The following SLC38A9 variants were observed in gnomAD, a reference collection of about 807,000 sequenced individuals.
The protein encoded by SLC38A9 is solute carrier family 38 member 9.
SLC38A9 carries 48 observed loss-of-function variants against 62.3 expected under a neutral mutation model. The observed-to-expected ratio is 0.77, with a 90% confidence interval of 0.61 to 0.98. The LOEUF is 0.98. Among genes scored for constraint, SLC38A9 ranks in the 50% least tolerant of loss-of-function variants. The pLI, the probability that SLC38A9 is intolerant of heterozygous loss-of-function variation, is 0.00. For synonymous variants in SLC38A9, 204 were observed against 227.7 expected (o/e 0.90, Z 0.94); for missense variants, 541 against 679.8 (o/e 0.80, Z 2.27).
intron 9 of SLC38A9, 76 bp from the exon 10 acceptor site, chr5:55,652,799 G>A (rs762598600): frequency 2.4e-6 from 3 of 1,248,910 alleles, no homozygotes; most frequent in Non-Finnish European, 3.3e-6. Flanking sequence ...GAAAATGACT[G>A]CCTCTAGAGA....
At chr5:55,651,439 AG>A (rs2150177134) in intron 10 of SLC38A9, among the ~76,000 whole-genome samples, 1 of 151,796 alleles carries the variant, frequency 6.6e-6, no homozygotes, top group South Asian at 2.1e-4. Context: ...TAGTAGAGAC[AG>A]GGTTTCACCA....
intron 3 of SLC38A9, chr5:55,692,582 A>C (rs1754897645): frequency 2.0e-6 from 2 of 977,120 alleles, no homozygotes; most frequent in African/African-American, 3.5e-5. Context: ...TTCTTAAAAC[A>C]TGCTTACCTA....
At chr5:55,652,357 C>CAAAAA (rs60557392) in intron 10 of SLC38A9, among the ~76,000 whole-genome samples, 172 bp downstream of exon 10, 24,774 of 55,480 alleles carry the variant, frequency 0.45, 5,134 homozygotes, top group Non-Finnish European at 0.55. Context: ...AACTCCGTCT[C>CAAAAA]AAAAAAAAAA....
intron 6 of SLC38A9, 39 bp downstream of exon 6, chr5:55,669,518 A>G (rs2150339182): frequency 1.3e-6 from 2 of 1,549,378 alleles, no homozygotes; most frequent in East Asian, 2.3e-5. Context: ...TAAAGAGAAA[A>G]ACATTTAGGC....
At chr5:55,703,183 T>A (rs991776283) in intron 2 of SLC38A9, among the ~76,000 whole-genome samples, 1 of 135,322 alleles carries the variant, frequency 7.4e-6, no homozygotes, top group African/African-American at 2.6e-5. Context: ...TAAGTCATGA[T>A]CCCTACCCTC....
intron 8 of SLC38A9, among the ~76,000 whole-genome samples, chr5:55,657,293 G>A (rs752605062): frequency 2.1e-4 from 32 of 152,114 alleles, no homozygotes; most frequent in East Asian, 1.2e-3. Flanking sequence ...AAATCTTTAC[G>A]TGTAAATTGA....
chr5:55,678,645 CTTTTTTTTTT>C (rs869297949), intron 3 of SLC38A9, among the ~76,000 whole-genome samples: 20 of 45,836 alleles, frequency 4.4e-4, no homozygotes, highest in African/African-American at 1.0e-3. Flanking sequence ...CTGAAATGAA[CTTTTTTTTTT>C]TTTTTTTTTT....
intron 2 of SLC38A9, among the ~76,000 whole-genome samples, chr5:55,700,858 A>T (rs1235163402): frequency 5.3e-5 from 8 of 152,052 alleles, no homozygotes; most frequent in Non-Finnish European, 1.0e-4. Context: ...TCCCTACGTC[A>T]CTGGTCCCTC....
chr5:55,692,851 C>T (rs866640181), intron 3 of SLC38A9: 1 of 981,636 alleles, frequency 1.0e-6, no homozygotes, highest in Non-Finnish European at 1.2e-6. Flanking sequence ...CTTATATTTA[C>T]TGACATTGGA....
At chr5:55,627,690 G>A (rs561791386) in intron 15 of SLC38A9, among the ~76,000 whole-genome samples, 1 of 152,202 alleles carries the variant, frequency 6.6e-6, no homozygotes, top group African/African-American at 2.4e-5. Context: ...GGAGCTTCTA[G>A]AGTGAGTTCT....
At chr5:55,682,639 C>T (rs1401043217) in intron 3 of SLC38A9, among the ~76,000 whole-genome samples, 1 of 152,106 alleles carries the variant, frequency 6.6e-6, no homozygotes, top group Non-Finnish European at 1.5e-5. Context: ...GCCAGGCATC[C>T]TGACATGCAC....
chr5:55,712,266 A>G lies in SLC38A9; in HGVS notation c.-132T>C, dbSNP rs1758165698. 1 of 152,660 alleles carries G rather than the reference A, an allele frequency of 6.6e-6. No individual in the cohort carries two copies. Among genetic ancestry groups the G allele is most frequent in the Non-Finnish European group, 1.5e-5 (1 of 68,082 alleles). The allele number at this position is 152,660 out of a possible 1,614,324, so 9.5% of individuals were successfully genotyped here. A position where few individuals can be genotyped will look rare whatever the true frequency, so the allele number is the denominator to read the frequency against. ...CGGAGAACTAGACGAGAAGATAAAG[A>G]TTCCCTTCCCAAATTCTCGCAATTT... On this transcript the variant is annotated 5_prime_UTR_variant, in exon 1 of 16. Coordinates refer to ENST00000396865, the MANE Select transcript of SLC38A9 (RefSeq NM_173514.4).
chr5:55,650,024 A>G (rs1489039945), intron 10 of SLC38A9, among the ~76,000 whole-genome samples: 1 of 152,184 alleles, frequency 6.6e-6, no homozygotes, highest in African/African-American at 2.4e-5. Context: ...GAAGTGTTAG[A>G]GTCAGTCTGT....
chr5:55,687,682 TA>T (rs1241790781), intron 3 of SLC38A9, among the ~76,000 whole-genome samples: 3 of 152,064 alleles, frequency 2.0e-5, no homozygotes, highest in Non-Finnish European at 4.4e-5. Context: ...CCTAGTATTT[TA>T]TTTTTTTATT....
At chr5:55,692,917 A>T in intron 3 of SLC38A9, 1 of 980,496 alleles carries the variant, frequency 1.0e-6, no homozygotes, top group Non-Finnish European at 1.2e-6. Context: ...TGGCCACTAT[A>T]AATGACAATG....
chr5:55,693,222 T>TA (rs1754987936), intron 3 of SLC38A9: 1 of 153,432 alleles, frequency 6.5e-6, no homozygotes, highest in South Asian at 2.1e-4. Flanking sequence ...GTTTCCTATT[T>TA]ACTACCCAAA....
intron 8 of SLC38A9, chr5:55,658,093 A>T (rs1247605943): frequency 2.0e-5 from 3 of 152,240 alleles, no homozygotes; most frequent in Admixed American, 2.0e-4. Context: ...CTTTGTAGAT[A>T]CAATCAAGTT....
rs7718282 is a variant in SLC38A9 at position 55,709,994 on chromosome 5, G to A, written c.-35+1458C>T. Among the ~76,000 whole-genome samples, 616 of 149,064 alleles carry A rather than the reference G, an allele frequency of 4.1e-3. 3 individuals are homozygous for A. Among genetic ancestry groups the A allele is most frequent in the African/African-American group, 0.014 (577 of 40,510 alleles). ...TAAGGCAGGGGAATCGCTTGAACCC[G>A]GGAGGCAGGGGTTGCAGTGAGCTGA... On this transcript the variant is annotated intron_variant, in intron 2 of 15. Coordinates refer to ENST00000396865, the MANE Select transcript of SLC38A9 (RefSeq NM_173514.4).
chr5:55,664,147 A>AG (rs1750074324), intron 8 of SLC38A9, among the ~76,000 whole-genome samples: 1 of 151,824 alleles, frequency 6.6e-6, no homozygotes, highest in African/African-American at 2.4e-5. Flanking sequence ...AAAGAAAAAA[A>AG]AATTCATTAA....
Sources: gnomAD v4.1 joint callset for allele counts (sites outside exome capture counted in the v4.1 genomes callset) on GRCh38, gnomAD v4.1.1 for gene constraint, MANE v1.5 for transcripts, NCBI Gene and HGNC (gene_info 2026-07-23, HGNC 2026-07-21) for gene names.